The following KIAA1549L variants were observed in gnomAD, a reference collection of about 807,000 sequenced individuals.
KIAA1549L encodes the protein KIAA1549 like, also known as UPF0606 protein KIAA1549L.
In KIAA1549L, 88 loss-of-function variants were observed where a neutral mutation model predicts 160.7. The ratio of observed to expected loss-of-function variants is 0.55; its 90% CI spans 0.46 to 0.65. KIAA1549L has a LOEUF of 0.65. Among genes scored for constraint, KIAA1549L ranks in the 30% least tolerant of loss-of-function variants. KIAA1549L has a pLI of 0.00. For missense variants in KIAA1549L, 2,258 were observed against 2,437.5 expected (o/e 0.93, Z 1.55); for synonymous variants, 950 against 976.7 (o/e 0.97, Z 0.51).
At position 33,389,537 on chromosome 11, in the gene KIAA1549L, G is replaced by C. The variant is rs549405095; in HGVS notation, c.238+12648G>C. Among the ~76,000 whole-genome samples, 3 of 152,252 alleles carry C rather than the reference G, an allele frequency of 2.0e-5. No individual in the cohort carries two copies. The South Asian group carries it at 6.2e-4, about 32-fold the overall frequency. On this transcript the variant is annotated intron_variant, in intron 1 of 20. Coordinates refer to ENST00000658780, the MANE Select transcript of KIAA1549L (RefSeq NM_012194.3). ...AAATCAGCATCCTAGAACTGTCTTTGGCAGTTTCCTGTTATTATCTTATTA... is the reference window on the plus strand; with the variant it reads ...AAATCAGCATCCTAGAACTGTCTTTCGCAGTTTCCTGTTATTATCTTATTA...
intron 1 of KIAA1549L, among the ~76,000 whole-genome samples, chr11:33,530,448 T>TAA (rs1853740243): frequency 1.0e-4 from 1 of 9,766 alleles, no homozygotes; most frequent in South Asian, 2.3e-3. Flanking sequence ...TATATATATA[T>TAA]ATATATATAT....
chr11:33,425,415 A>G (rs972872749), intron 1 of KIAA1549L, among the ~76,000 whole-genome samples: 3 of 152,214 alleles, frequency 2.0e-5, no homozygotes, highest in Admixed American at 2.0e-4. Flanking sequence ...AGGGATCTTC[A>G]TGTTAATATC....
chr11:33,472,806 A>T (rs111261159), intron 1 of KIAA1549L, among the ~76,000 whole-genome samples: 3,436 of 152,302 alleles, frequency 0.023, 44 homozygotes, highest in South Asian at 0.086. Context: ...AAATCTAATA[A>T]GTAAAATCAG....
chr11:33,580,571 CAAAAAAAA>C (rs368467299), intron 10 of KIAA1549L, among the ~76,000 whole-genome samples: 1 of 52,540 alleles, frequency 1.9e-5, no homozygotes, highest in Non-Finnish European at 4.4e-5. Context: ...GATTCTGCCT[CAAAAAAAA>C]AAAAAAAAAA....
intron 1 of KIAA1549L, among the ~76,000 whole-genome samples, chr11:33,527,619 G>A (rs537409793): frequency 6.6e-6 from 1 of 152,244 alleles, no homozygotes; most frequent in East Asian, 1.9e-4. Flanking sequence ...CTTCTGCACA[G>A]CAAAACAAAT....
chr11:33,584,654 G>C (rs186925534), intron 11 of KIAA1549L, among the ~76,000 whole-genome samples: 2 of 152,234 alleles, frequency 1.3e-5, no homozygotes, highest in Admixed American at 1.3e-4. Context: ...AGCCTTATGA[G>C]GTAGCTCGTA....
At chr11:33,422,740 G>A (rs975861815) in intron 1 of KIAA1549L, among the ~76,000 whole-genome samples, 7 of 151,498 alleles carry the variant, frequency 4.6e-5, no homozygotes, top group African/African-American at 1.7e-4. Flanking sequence ...ACAATATATG[G>A]CATGTATACA....
intron 1 of KIAA1549L, among the ~76,000 whole-genome samples, chr11:33,388,209 G>C (rs187002428): frequency 3.6e-4 from 55 of 152,270 alleles, no homozygotes; most frequent in Admixed American, 2.5e-3. Context: ...GAGGCCTCAG[G>C]AAAGTTACAA....
intron 1 of KIAA1549L, among the ~76,000 whole-genome samples, chr11:33,476,829 T>C (rs1196941619): frequency 1.3e-5 from 2 of 152,250 alleles, no homozygotes; most frequent in East Asian, 3.8e-4. Flanking sequence ...GTCTTATCTT[T>C]GCTTTTTCAC....
chr11:33,416,689 C>G (rs1289576075), intron 1 of KIAA1549L, among the ~76,000 whole-genome samples: 1 of 152,122 alleles, frequency 6.6e-6, no homozygotes, highest in Non-Finnish European at 1.5e-5. Flanking sequence ...GGAACCAATT[C>G]TCTTTGGATT....
intron 1 of KIAA1549L, among the ~76,000 whole-genome samples, chr11:33,451,548 G>A (rs536011755): frequency 1.6e-3 from 237 of 152,278 alleles, no homozygotes; most frequent in African/African-American, 5.3e-3. Flanking sequence ...CTGCGTAAAT[G>A]TCATTAAATT....
intron 15 of KIAA1549L, among the ~76,000 whole-genome samples, chr11:33,612,284 G>A (rs1850667379): frequency 6.6e-6 from 1 of 152,202 alleles, no homozygotes; most frequent in African/African-American, 2.4e-5. Flanking sequence ...GCTATCACAG[G>A]TTAGAGTTAC....
chr11:33,416,181 C>T (rs780208875), intron 1 of KIAA1549L, among the ~76,000 whole-genome samples: 2 of 152,084 alleles, frequency 1.3e-5, no homozygotes, highest in African/African-American at 2.4e-5. Flanking sequence ...GATGTGTCAC[C>T]GCCTTCTTGG....
In KIAA1549L at chr11:33,568,195, C is replaced by T. The variant is rs747515119; in HGVS notation, c.4198C>T (p.Arg1400Trp). The T allele has an allele frequency of 1.5e-5, 25 of 1,613,430 alleles. No homozygotes were observed. The highest frequency in any genetic ancestry group is 2.2e-5 in the South Asian group (2 of 91,026). The change falls in exon 9 of 21, where the codon CGG becomes TGG. Residue 1400 changes from arginine to tryptophan, a missense_variant. By Grantham distance (101) the Arg-to-Trp change is moderately radical. Coordinates refer to ENST00000658780, the MANE Select transcript of KIAA1549L (RefSeq NM_012194.3). ...MSQQQGRRFK[R>W]ATTLGSYTVQ... ...CCAGCAACAAGGCCGGCGGTTTAAA[C>T]GGGCCACCACCCTGGGAAGCTACAC...
intron 16 of KIAA1549L, among the ~76,000 whole-genome samples, chr11:33,629,521 G>C (rs1473245324): frequency 2.7e-5 from 4 of 150,782 alleles, no homozygotes; most frequent in Non-Finnish European, 5.9e-5. Flanking sequence ...TTCCCTTCTC[G>C]CTTCATTTCA....
At chr11:33,449,191 T>G (rs1477232097) in intron 1 of KIAA1549L, among the ~76,000 whole-genome samples, 1 of 152,244 alleles carries the variant, frequency 6.6e-6, no homozygotes, top group African/African-American at 2.4e-5. Flanking sequence ...TATTTTATAA[T>G]GGGCTTAAAG....
intron 1 of KIAA1549L, among the ~76,000 whole-genome samples, chr11:33,530,116 C>T (rs539120169): frequency 2.0e-4 from 31 of 151,810 alleles, no homozygotes; most frequent in Non-Finnish European, 3.7e-4. Flanking sequence ...ACCTTGGGGC[C>T]GGGCGCGGTG....
At chr11:33,604,246 G>A (rs1850440482) in intron 13 of KIAA1549L, among the ~76,000 whole-genome samples, 1 of 152,172 alleles carries the variant, frequency 6.6e-6, no homozygotes, top group African/African-American at 2.4e-5. Context: ...GTCTCATGAG[G>A]TCATAGTCAA....
In KIAA1549L at chr11:33,543,707, G is replaced by C. The variant is rs768134400; in HGVS notation, c.2144G>C (p.Gly715Ala). ...GSLSTESIIS[G>A]LQQQTNYDLN... ...CTTTCCACAGAATCAATAATATCTG[G>C]CTTGCAGCAGCAAACAAATTATGAT... The change falls in exon 2 of 21, where the codon GGC (glycine) becomes GCC (alanine). Residue 715 changes from glycine (G) to alanine (A), a missense_variant. Coordinates refer to ENST00000658780, the MANE Select transcript of KIAA1549L (RefSeq NM_012194.3). 95 of 1,613,812 alleles carry C rather than the reference G, an allele frequency of 5.9e-5. No homozygotes were observed. In the East Asian group the frequency reaches 1.8e-3, roughly 30 times the overall value.
Sources: gnomAD v4.1 joint callset for allele counts (sites outside exome capture counted in the v4.1 genomes callset) on GRCh38, gnomAD v4.1.1 for gene constraint, MANE v1.5 for transcripts, NCBI Gene and HGNC (gene_info 2026-07-23, HGNC 2026-07-21) for gene names.